The following NCMAP variants were observed in gnomAD, a reference collection of about 807,000 sequenced individuals.
The protein encoded by NCMAP is noncompact myelin-associated protein.
NCMAP carries 8 observed loss-of-function variants against 7.8 expected under a neutral mutation model. The ratio of observed to expected loss-of-function variants is 1.02; its 90% confidence interval spans 0.60 to 1.84. The LOEUF (loss-of-function observed/expected upper bound fraction) is 1.84, where lower values mean the gene tolerates loss of function less well. NCMAP is among the 40% of genes most tolerant of loss of function. NCMAP has a pLI of 0.00. For missense variants in NCMAP, 112 were observed against 131.4 expected (o/e 0.85, Z 0.72); for synonymous variants, 41 against 52.9 (o/e 0.78, Z 0.98).
intron 1 of NCMAP, among the ~76,000 whole-genome samples, chr1:24,592,307 T>C (rs999981380): frequency 1.3e-5 from 2 of 152,204 alleles, no homozygotes; most frequent in African/African-American, 2.4e-5. Flanking sequence ...TAGTCTGTCG[T>C]GCTCACTAGA....
Position 24,608,162 on chromosome 1 carries a change from A to C in NCMAP, c.*2415A>C, listed in dbSNP as rs552975108. On this transcript the variant is annotated 3_prime_UTR_variant, in exon 4 of 4. Coordinates refer to ENST00000374392, the MANE Select transcript of NCMAP (RefSeq NM_001010980.5). ...ACAGATGATAATTTCTGATTCAAAG[A>C]GAAAGAAAACAAAGTACTTTTCCAA... 1 of 152,364 alleles carries C rather than the reference A, an allele frequency of 6.6e-6. No individual in the cohort carries two copies. Among genetic ancestry groups the C allele is most frequent in the Admixed American group, 6.5e-5 (1 of 15,300 alleles). The allele number at this position is 152,364 out of a possible 1,614,324, so 9.4% of individuals were successfully genotyped here.
At chr1:24,569,711 G>A (rs893076393) in intron 1 of NCMAP, among the ~76,000 whole-genome samples, 2 of 150,548 alleles carry the variant, frequency 1.3e-5, no homozygotes, top group African/African-American at 2.5e-5. Flanking sequence ...CCTAGGGCTG[G>A]CATGGAATGA....
At chr1:24,563,373 T>C (rs1431332980) in intron 1 of NCMAP, among the ~76,000 whole-genome samples, 2 of 152,004 alleles carry the variant, frequency 1.3e-5, no homozygotes, top group African/African-American at 4.8e-5. Flanking sequence ...AATACAAAAT[T>C]AGCTGGGCGT....
At chr1:24,565,489 T>C (rs546408541) in intron 1 of NCMAP, among the ~76,000 whole-genome samples, 1 of 152,202 alleles carries the variant, frequency 6.6e-6, no homozygotes, top group South Asian at 2.1e-4. Flanking sequence ...TTTAATGACA[T>C]TGATCTATTT....
At chr1:24,591,640 G>C (rs1344218905) in intron 1 of NCMAP, among the ~76,000 whole-genome samples, 1 of 152,202 alleles carries the variant, frequency 6.6e-6, no homozygotes, top group East Asian at 1.9e-4. Flanking sequence ...GCCTGTTTCA[G>C]GTGTTGGGAG....
chr1:24,571,115 G>A (rs1448007946), intron 1 of NCMAP, among the ~76,000 whole-genome samples: 1 of 150,734 alleles, frequency 6.6e-6, no homozygotes, highest in Non-Finnish European at 1.5e-5. Flanking sequence ...ACAGAGTGTG[G>A]TTTGGTGTTG....
intron 1 of NCMAP, among the ~76,000 whole-genome samples, chr1:24,568,902 C>A (rs901459529): frequency 6.6e-6 from 1 of 152,124 alleles, no homozygotes; most frequent in Non-Finnish European, 1.5e-5. Context: ...GGACTAGAGG[C>A]ATGCGTCACC....
chr1:24,572,711 G>A lies in NCMAP; in HGVS notation c.-8+16542G>A, dbSNP rs1457763945. 4.0e-5 allele frequency among the ~76,000 whole-genome samples: 6 copies of A among 150,384 alleles called. 2 individuals carry two copies. Among genetic ancestry groups the A allele is most frequent in the African/African-American group, 1.5e-4 (6 of 39,870 alleles). On this transcript the variant is annotated intron_variant, in intron 1 of 3. Transcript: ENST00000374392. ...CCCACCACATCCTTCCCCAAACCTC[G>A]TTCCTGCTCATGTTTGCATTTCCTG...
intron 1 of NCMAP, among the ~76,000 whole-genome samples, chr1:24,572,144 G>A (rs746014041): frequency 6.8e-6 from 1 of 147,996 alleles, no homozygotes; most frequent in Non-Finnish European, 1.5e-5. Flanking sequence ...GCAGCGGCGA[G>A]CATGCTCAGA....
intron 1 of NCMAP, among the ~76,000 whole-genome samples, chr1:24,580,807 C>CT (rs982184324): frequency 6.6e-6 from 1 of 152,192 alleles, no homozygotes; most frequent in African/African-American, 2.4e-5. Flanking sequence ...TTGGTGATCT[C>CT]TGTCACCACT....
At chr1:24,591,765 G>T (rs554688487) in intron 1 of NCMAP, among the ~76,000 whole-genome samples, 2 of 152,330 alleles carry the variant, frequency 1.3e-5, no homozygotes, top group African/African-American at 4.8e-5. Flanking sequence ...GTCTTTGGAA[G>T]GAGGGGTAGA....
At position 24,564,233 on chromosome 1, in the gene NCMAP, G is replaced by A. The variant is rs532049610; in HGVS notation, c.-8+8064G>A. Among the ~76,000 whole-genome samples, 135 of 152,174 alleles carry A rather than the reference G, an allele frequency of 8.9e-4. 1 individual carries two copies. The highest frequency in any genetic ancestry group is 1.1e-3 in the Admixed American group (17 of 15,272). On this transcript the variant is annotated intron_variant, in intron 1 of 3. Coordinates refer to ENST00000374392, the MANE Select transcript of NCMAP (RefSeq NM_001010980.5). Reference sequence around the variant, plus strand: ...AGAAAAGAGAAGCTGAGAGAGGCCAGGCGCAGTGGCTCACGCCTGTAATCC... The same window carrying A: ...AGAAAAGAGAAGCTGAGAGAGGCCAAGCGCAGTGGCTCACGCCTGTAATCC...
chr1:24,592,618 T>G (rs929175185), intron 1 of NCMAP, among the ~76,000 whole-genome samples: 10 of 152,166 alleles, frequency 6.6e-5, no homozygotes, highest in African/African-American at 2.4e-4. Flanking sequence ...TGATTTTTTT[T>G]CTTATAAAGA....
intron 1 of NCMAP, among the ~76,000 whole-genome samples, chr1:24,577,684 T>C (rs997177828): frequency 6.6e-6 from 1 of 152,086 alleles, no homozygotes; most frequent in African/African-American, 2.4e-5. Context: ...TCTCAGAAGT[T>C]TTCAGTTGCC....
At chr1:24,586,961 T>C (rs1651899904) in intron 1 of NCMAP, among the ~76,000 whole-genome samples, 1 of 152,152 alleles carries the variant, frequency 6.6e-6, no homozygotes. Flanking sequence ...CTGTGCTGAG[T>C]ATAGGACATG....
intron 1 of NCMAP, among the ~76,000 whole-genome samples, chr1:24,591,203 G>T (rs777682744): frequency 3.3e-5 from 5 of 152,204 alleles, no homozygotes; most frequent in Non-Finnish European, 7.3e-5. Flanking sequence ...CTGTGGGAGG[G>T]TAGGGGACAG....
In NCMAP at chr1:24,605,919, C is replaced by G. The variant is rs1570545583; in HGVS notation, c.*172C>G. The G allele has an allele frequency of 6.8e-6, 5 of 732,990 alleles. No individual in the cohort carries two copies. The East Asian group carries it at 1.1e-4, about 16-fold the overall frequency. The allele number at this position is 732,990 out of a possible 1,614,324, so 45.4% of individuals were successfully genotyped here. ...AATCCTCAACCTTGTCTGCCCTGCC[C>G]TACCCCAACTGTGTCCACATCCCTG... On this transcript the variant is annotated 3_prime_UTR_variant, in exon 4 of 4. Coordinates refer to ENST00000374392, the MANE Select transcript of NCMAP (RefSeq NM_001010980.5).
intron 3 of NCMAP, among the ~76,000 whole-genome samples, chr1:24,604,665 G>A (rs536358319): frequency 4.7e-5 from 4 of 85,494 alleles, no homozygotes; most frequent in East Asian, 4.0e-4. Flanking sequence ...TCAGCAAGAT[G>A]AAATACCATG....
chr1:24,574,970 T>C (rs1384200797), intron 1 of NCMAP, among the ~76,000 whole-genome samples: 1 of 151,796 alleles, frequency 6.6e-6, no homozygotes, highest in Admixed American at 6.6e-5. Context: ...AATTTTTGTT[T>C]GTAGAGATGC....
Sources: allele counts gnomAD v4.1 joint callset (sites outside exome capture counted in the v4.1 genomes callset), GRCh38; gene constraint gnomAD v4.1.1; transcripts MANE v1.5; gene names NCBI Gene and HGNC (gene_info 2026-07-23, HGNC 2026-07-21).